Variants in KATNBL1 observed in about 807,000 individuals in gnomAD.
KATNBL1 encodes katanin regulatory subunit B1 like 1.
A neutral mutation model predicts 44.7 loss-of-function variants in KATNBL1; 28 were observed. The ratio of observed to expected loss-of-function variants is 0.63; its 90% CI spans 0.46 to 0.86. The LOEUF (loss-of-function observed/expected upper bound fraction) is 0.86, where lower values mean the gene tolerates loss of function less well. Among genes scored for constraint, KATNBL1 ranks in the 40% least tolerant of loss-of-function variants. KATNBL1 has a pLI of 0.00. For synonymous variants in KATNBL1, 78 were observed against 114.9 expected, an observed-to-expected ratio of 0.68 and a Z score of 2.06; for missense variants, 272 against 350.7, an observed-to-expected ratio of 0.78 and a Z score of 1.79.
At chr15:34,155,799 GGAATTTATC>G (rs1888620225) in intron 2 of KATNBL1, among the ~76,000 whole-genome samples, 1 of 152,138 alleles carries the variant, frequency 6.6e-6, no homozygotes, top group Non-Finnish European at 1.5e-5. Context: ...TGTAATAGGT[GGAATTTATC>G]TAATCTACGT....
chr15:34,182,442 C>T (rs1432116360), intron 1 of KATNBL1, among the ~76,000 whole-genome samples: 1 of 152,178 alleles, frequency 6.6e-6, no homozygotes, highest in Non-Finnish European at 1.5e-5. Flanking sequence ...AATATAATCA[C>T]ATCTCAGTAT....
intron 4 of KATNBL1, among the ~76,000 whole-genome samples, chr15:34,149,925 C>T (rs959870394): frequency 2.6e-4 from 40 of 152,274 alleles, no homozygotes; most frequent in African/African-American, 9.6e-4. Flanking sequence ...CTTTACATAC[C>T]ATAATTTATT....
At chr15:34,183,334 C>G (rs1398986858) in intron 1 of KATNBL1, among the ~76,000 whole-genome samples, 2 of 152,170 alleles carry the variant, frequency 1.3e-5, no homozygotes, top group Admixed American at 6.5e-5. Flanking sequence ...GGCCTCCAGG[C>G]TCCTCCTGCC....
At chr15:34,188,690 C>T (rs948149577) in intron 1 of KATNBL1, among the ~76,000 whole-genome samples, 2 of 152,210 alleles carry the variant, frequency 1.3e-5, no homozygotes, top group African/African-American at 2.4e-5. Context: ...TCCTGCTCTG[C>T]TTCATATTGG....
At chr15:34,166,383 G>T (rs982366793) in intron 1 of KATNBL1, among the ~76,000 whole-genome samples, 2 of 152,260 alleles carry the variant, frequency 1.3e-5, no homozygotes, top group African/African-American at 4.8e-5. Context: ...CTGGCAGGGG[G>T]AGGGGCGTCC....
Position 34,146,800 on chromosome 15 carries a change from C to T in KATNBL1, c.749G>A (p.Trp250Ter). The change falls in exon 8 of 10, where the codon TGG becomes TAG. Residue 250 changes from tryptophan to a stop codon, truncating the protein, a stop_gained. Coordinates refer to ENST00000256544, the MANE Select transcript of KATNBL1 (RefSeq NM_024713.3). LOFTEE classifies it high-confidence loss of function. ...NWLQAVIKRWWSELSSKTEII... is the reference protein window; with the variant it reads ...NWLQAVIKRW ...TTCTGTTTTGGATGATAGTTCTGACCACCACCTTTTAATGACTGCTTGAAG... is the reference window on the plus strand; with the variant it reads ...TTCTGTTTTGGATGATAGTTCTGACTACCACCTTTTAATGACTGCTTGAAG... 1.2e-6 allele frequency: 2 copies of T among 1,608,382 alleles called. No homozygotes were observed. The highest frequency in any genetic ancestry group is 1.1e-5 in the South Asian group (1 of 90,932).
At chr15:34,183,344 C>T (rs1470989950) in intron 1 of KATNBL1, among the ~76,000 whole-genome samples, 2 of 152,126 alleles carry the variant, frequency 1.3e-5, no homozygotes, top group Non-Finnish European at 2.9e-5. Context: ...CTCCTCCTGC[C>T]CCTCCCAGCT....
chr15:34,142,008 A>T lies in KATNBL1; in HGVS notation c.*331T>A, dbSNP rs1888163346. On this transcript the variant is annotated 3_prime_UTR_variant, in exon 10 of 10. Coordinates refer to ENST00000256544, the MANE Select transcript of KATNBL1 (RefSeq NM_024713.3). ...CTTATTTTTTCACATAGTATAAATTATATTTTTATGCAGGATTGCATTAAA... is the reference window on the plus strand; with the variant it reads ...CTTATTTTTTCACATAGTATAAATTTTATTTTTATGCAGGATTGCATTAAA... 1 of 182,850 alleles carries T rather than the reference A, an allele frequency of 5.5e-6. No homozygotes were observed. Among genetic ancestry groups the T allele is most frequent in the Non-Finnish European group, 1.1e-5 (1 of 88,430 alleles). The allele number at this position is 182,850 out of a possible 1,614,324, so 11.3% of individuals were successfully genotyped here. A position where few individuals can be genotyped will look rare whatever the true frequency, so the allele number is the denominator to read the frequency against.
Position 34,142,148 on chromosome 15 carries a change from A to G in KATNBL1, c.*191T>C, listed in dbSNP as rs1888167625. 2.2e-6 allele frequency: 1 copy of G among 463,882 alleles called. No individual in the cohort carries two copies. The highest frequency in any genetic ancestry group is 5.6e-5 in the South Asian group (1 of 17,772). 28.7% of individuals were successfully genotyped at this position (463,882 alleles called of 1,614,324 possible). A position where few individuals can be genotyped will look rare whatever the true frequency, so the allele number is the denominator to read the frequency against. Reference sequence around the variant, plus strand: ...GAAATTGAAGCTGCTCCTTTTGGATATTTTTCCACTTCAATGTGAAGCAGA... The same window carrying G: ...GAAATTGAAGCTGCTCCTTTTGGATGTTTTTCCACTTCAATGTGAAGCAGA... On this transcript the variant is annotated 3_prime_UTR_variant, in exon 10 of 10. Transcript: ENST00000256544.
At chr15:34,175,531 A>C (rs1370586012) in intron 1 of KATNBL1, among the ~76,000 whole-genome samples, 1 of 152,214 alleles carries the variant, frequency 6.6e-6, no homozygotes, top group Admixed American at 6.5e-5. Context: ...AGAGGCTAAA[A>C]CAGTTTTCTA....
chr15:34,181,260 A>G (rs1889516124), intron 1 of KATNBL1, among the ~76,000 whole-genome samples: 1 of 152,150 alleles, frequency 6.6e-6, no homozygotes, highest in South Asian at 2.1e-4. Flanking sequence ...ATTTTAATCC[A>G]TGATTCCCAG....
At chr15:34,206,874 T>G (rs758441044) in intron 1 of KATNBL1, among the ~76,000 whole-genome samples, 1 of 152,128 alleles carries the variant, frequency 6.6e-6, no homozygotes, top group Admixed American at 6.5e-5. Flanking sequence ...ACCATTTGTA[T>G]TAGGTTTAAG....
intron 7 of KATNBL1, 48 bp from the exon 8 acceptor site, chr15:34,146,898 C>G (rs376345653): frequency 5.2e-6 from 6 of 1,159,174 alleles, no homozygotes; most frequent in Non-Finnish European, 7.8e-6. Flanking sequence ...ATCTAAGAAC[C>G]CTTCTTATAA....
intron 1 of KATNBL1, among the ~76,000 whole-genome samples, chr15:34,166,915 C>T (rs1567525108): frequency 6.6e-6 from 1 of 152,186 alleles, no homozygotes; most frequent in East Asian, 1.9e-4. Context: ...ACAAAAAGGA[C>T]ATCCACACCA....
chr15:34,147,702 T>C (rs2140900873), intron 5 of KATNBL1, among the ~76,000 whole-genome samples: 1 of 152,140 alleles, frequency 6.6e-6, no homozygotes, highest in South Asian at 2.1e-4. Context: ...ATAAGTGCTA[T>C]GGAGAAAAAT....
chr15:34,200,214 T>A (rs1890142457), intron 1 of KATNBL1, among the ~76,000 whole-genome samples: 1 of 152,092 alleles, frequency 6.6e-6, no homozygotes, highest in African/African-American at 2.4e-5. Context: ...AAGGGTTTAA[T>A]ATTTCCTGAA....
chr15:34,164,951 T>C (rs1047944859), intron 1 of KATNBL1, among the ~76,000 whole-genome samples: 21 of 152,336 alleles, frequency 1.4e-4, no homozygotes, highest in Non-Finnish European at 2.8e-4. Flanking sequence ...TATTCTCAAT[T>C]CTCCAAAAAT....
intron 1 of KATNBL1, among the ~76,000 whole-genome samples, chr15:34,181,959 T>A (rs184561815): frequency 9.4e-5 from 14 of 149,444 alleles, no homozygotes; most frequent in Non-Finnish European, 1.8e-4. Flanking sequence ...TCATTAAAAA[T>A]AACAGATAGA....
chr15:34,190,868 C>A (rs1889851933), intron 1 of KATNBL1, among the ~76,000 whole-genome samples: 1 of 152,194 alleles, frequency 6.6e-6, no homozygotes, highest in African/African-American at 2.4e-5. Context: ...GACACAGGAA[C>A]CTGTTAATGC....
Sources: allele counts gnomAD v4.1 joint callset (sites outside exome capture counted in the v4.1 genomes callset), GRCh38; gene constraint gnomAD v4.1.1; transcripts MANE v1.5; gene names NCBI Gene and HGNC (gene_info 2026-07-23, HGNC 2026-07-21).